The following ATP8A2 variants were observed in gnomAD, a reference collection of about 807,000 sequenced individuals.
The protein encoded by ATP8A2 is ATPase phospholipid transporting 8A2.
A neutral mutation model predicts 165.6 loss-of-function variants in ATP8A2; 100 were observed. The observed-to-expected ratio is 0.60, with a 90% CI of 0.51 to 0.71. The LOEUF is 0.71. ATP8A2 is among the 30% of genes least tolerant of loss of function. The pLI, the probability that ATP8A2 is intolerant of heterozygous loss-of-function variation, is 0.00. For missense variants in ATP8A2, 1,227 were observed against 1,479.5 expected, an observed-to-expected ratio of 0.83 and a Z score of 2.80; for synonymous variants, 543 against 548.8, an observed-to-expected ratio of 0.99 and a Z score of 0.15.
intron 34 of ATP8A2, 47 bp from the exon 35 acceptor site, chr13:25,968,528 G>C (rs1181937227): frequency 6.5e-7 from 1 of 1,546,348 alleles, no homozygotes; most frequent in African/African-American, 1.4e-5. Flanking sequence ...TCCCAGCTGT[G>C]TCAAGTCTCT....
chr13:25,934,518 G>T (rs116754830), intron 33 of ATP8A2, among the ~76,000 whole-genome samples: 2,512 of 152,320 alleles, frequency 0.016, 68 homozygotes, highest in African/African-American at 0.056. Flanking sequence ...AAGATTATTT[G>T]ACATTTCTGA....
chr13:25,898,904 C>T (rs1953650070), intron 33 of ATP8A2, among the ~76,000 whole-genome samples: 1 of 152,154 alleles, frequency 6.6e-6, no homozygotes, highest in Non-Finnish European at 1.5e-5. Flanking sequence ...GTGGGAGTGA[C>T]CCGATTTTCC....
intron 33 of ATP8A2, among the ~76,000 whole-genome samples, chr13:25,916,073 G>C (rs1297043340): frequency 6.6e-6 from 1 of 152,100 alleles, no homozygotes; most frequent in Admixed American, 6.5e-5. Flanking sequence ...ATCAGCTCTT[G>C]GTTGGTTTTG....
intron 24 of ATP8A2, among the ~76,000 whole-genome samples, chr13:25,668,904 C>A (rs933879658): frequency 2.6e-5 from 4 of 152,108 alleles, no homozygotes; most frequent in African/African-American, 9.7e-5. Flanking sequence ...TAATTTCTAT[C>A]TCTTTACTGA....
intron 1 of ATP8A2, among the ~76,000 whole-genome samples, chr13:25,465,170 C>A (rs951186013): frequency 5.9e-5 from 9 of 152,284 alleles, no homozygotes; most frequent in African/African-American, 1.4e-4. Context: ...TCTCATGAAA[C>A]CTTAGTCATA....
At chr13:25,925,146 T>C in intron 33 of ATP8A2, among the ~76,000 whole-genome samples, 1 of 152,204 alleles carries the variant, frequency 6.6e-6, no homozygotes, top group East Asian at 1.9e-4. Flanking sequence ...AGTGATGTGG[T>C]ACTTTTATTC....
chr13:25,531,397 A>T (rs1406548888), intron 4 of ATP8A2, among the ~76,000 whole-genome samples: 1 of 44,708 alleles, frequency 2.2e-5, no homozygotes, highest in Middle Eastern at 0.012. Context: ...TATATATATG[A>T]TTATATATAT....
chr13:25,900,051 TAC>T (rs1953688331), intron 33 of ATP8A2, among the ~76,000 whole-genome samples: 1 of 151,966 alleles, frequency 6.6e-6, no homozygotes, highest in Admixed American at 6.5e-5. Context: ...ACCAGGATCA[TAC>T]ATTTGGAAGA....
At chr13:25,547,561 C>T (rs1217931029) in intron 10 of ATP8A2, among the ~76,000 whole-genome samples, 1 of 152,140 alleles carries the variant, frequency 6.6e-6, no homozygotes, top group Non-Finnish European at 1.5e-5. Context: ...CCCACTGATT[C>T]TACATTATGG....
intron 33 of ATP8A2, among the ~76,000 whole-genome samples, chr13:25,865,731 T>C (rs1208187086): frequency 6.6e-6 from 1 of 152,200 alleles, no homozygotes; most frequent in Non-Finnish European, 1.5e-5. Flanking sequence ...AGTGGAAGTT[T>C]CTGAAATCAA....
At chr13:25,907,037 C>T (rs1340456204) in intron 33 of ATP8A2, among the ~76,000 whole-genome samples, 1 of 152,192 alleles carries the variant, frequency 6.6e-6, no homozygotes, top group Non-Finnish European at 1.5e-5. Context: ...TGAGACCAGC[C>T]TGGTCAACAT....
chr13:25,523,174 A>G (rs2037725236), intron 2 of ATP8A2, among the ~76,000 whole-genome samples: 3 of 151,360 alleles, frequency 2.0e-5, no homozygotes, highest in African/African-American at 7.3e-5. Context: ...TTGGCCTATA[A>G]TTTTCTTGCC....
chr13:25,889,431 C>T (rs890756703), intron 33 of ATP8A2, among the ~76,000 whole-genome samples: 3 of 151,900 alleles, frequency 2.0e-5, no homozygotes, highest in Non-Finnish European at 4.4e-5. Flanking sequence ...GAAATAATTT[C>T]ACTGTTCTTA....
rs535733147 is a variant in ATP8A2 at position 25,705,278 on chromosome 13, G to C, written c.2384+5933G>C. 4.2e-5 allele frequency: 13 copies of C among 312,438 alleles called. No individual in the cohort carries two copies. In the East Asian group the frequency reaches 1.5e-3, roughly 36 times the overall value. The allele number at this position is 312,438 out of a possible 1,614,324, so 19.4% of individuals were successfully genotyped here. ...TAAAGTGACTGTCTCGTCAGGAAAA[G>C]AGTCATGAAAGAATCATCAGTGACC... On this transcript the variant is annotated intron_variant, in intron 25 of 36. Coordinates refer to ENST00000381655, the MANE Select transcript of ATP8A2 (RefSeq NM_016529.6).
At position 25,372,405 on chromosome 13, in the gene ATP8A2, T is replaced by A; in HGVS notation, c.76+117T>A. ...GCCCCGCTCCCCTCCCTGGGCTCCCTGGGCTCTCTGGGCTGCAGGATCCGC... is the reference window on the plus strand; with the variant it reads ...GCCCCGCTCCCCTCCCTGGGCTCCCAGGGCTCTCTGGGCTGCAGGATCCGC... On this transcript the variant is annotated intron_variant, in intron 1 of 36. Coordinates refer to ENST00000381655, the MANE Select transcript of ATP8A2 (RefSeq NM_016529.6). The surrounding 1 kb of genome is among the most constrained non-coding windows in gnomAD (Gnocchi z 4.8). 1.5e-5 allele frequency: 10 copies of A among 673,180 alleles called. No individual in the cohort carries two copies. Among genetic ancestry groups the A allele is most frequent in the Non-Finnish European group, 2.1e-5 (10 of 472,178 alleles). 41.7% of individuals were successfully genotyped at this position (673,180 alleles called of 1,614,324 possible).
intron 2 of ATP8A2, among the ~76,000 whole-genome samples, chr13:25,521,777 G>A (rs982732334): frequency 6.6e-6 from 1 of 152,078 alleles, no homozygotes; most frequent in Non-Finnish European, 1.5e-5. Context: ...GGCTTCAAGT[G>A]GTGCTCCCAC....
intron 1 of ATP8A2, among the ~76,000 whole-genome samples, chr13:25,422,121 T>A (rs1019476034): frequency 6.6e-6 from 1 of 152,150 alleles, no homozygotes; most frequent in African/African-American, 2.4e-5. Flanking sequence ...CATTGCCCCC[T>A]CTTTTTTTTC....
chr13:25,992,487 T>A (rs1265606954), intron 35 of ATP8A2, among the ~76,000 whole-genome samples: 1 of 152,246 alleles, frequency 6.6e-6, no homozygotes, highest in East Asian at 1.9e-4. Context: ...CTTACAAATA[T>A]TTTCTCCCAT....
intron 11 of ATP8A2, 95 bp from the exon 12 acceptor site, chr13:25,553,698 G>A (rs1165412512): frequency 7.8e-7 from 1 of 1,281,796 alleles, no homozygotes. Flanking sequence ...CTGACATGCA[G>A]GAGGTGCTCA....
Sources: gnomAD v4.1 joint callset for allele counts (sites outside exome capture counted in the v4.1 genomes callset) on GRCh38, gnomAD v4.1.1 for gene constraint, Gnocchi (gnomAD v3.1) non-coding constraint, MANE v1.5 for transcripts, NCBI Gene and HGNC (gene_info 2026-07-23, HGNC 2026-07-21) for gene names.